SHANK2: variants seen among roughly 807,000 people sequenced by gnomAD.
SHANK2 encodes SH3 and multiple ankyrin repeat domains protein 2.
SHANK2 carries 43 observed loss-of-function variants against 133.7 expected under a neutral mutation model. The ratio of observed to expected loss-of-function variants is 0.32; its 90% CI spans 0.25 to 0.41. The LOEUF is 0.41. SHANK2 is among the 10% of genes least tolerant of loss of function. SHANK2 has a pLI of 1.00. For synonymous variants in SHANK2, 1,017 were observed against 952.8 expected (o/e 1.07, Z -1.24); for missense variants, 1,994 against 2,235.8 (o/e 0.89, Z 2.18).
In SHANK2 at chr11:70,840,780, C is replaced by T. The variant is rs782609448; in HGVS notation, c.1175-20098G>A. On this transcript the variant is annotated intron_variant, in intron 11 of 25. Transcript: ENST00000601538. ...GACTCAGGATCTCCCTCCTGGGTGC[C>T]GAGGACAGGGACAAGGAACTGCAGT... 9.9e-5 allele frequency among the ~76,000 whole-genome samples: 15 copies of T among 152,234 alleles called. No individual in the cohort carries two copies. In the East Asian group the frequency reaches 1.5e-3, roughly 16 times the overall value.
chr11:71,081,724 G>T (rs1951303708), intron 8 of SHANK2, among the ~76,000 whole-genome samples: 1 of 152,144 alleles, frequency 6.6e-6, no homozygotes, highest in African/African-American at 2.4e-5. Context: ...ACAGAACCTT[G>T]CCAGGCCAGA....
intron 11 of SHANK2, among the ~76,000 whole-genome samples, chr11:70,887,875 C>T (rs1053448253): frequency 1.3e-5 from 2 of 152,076 alleles, no homozygotes; most frequent in African/African-American, 2.4e-5. Context: ...TGAGTCTCAC[C>T]TCCACTTCTT....
rs149483180 is a variant in SHANK2 at position 70,832,104 on chromosome 11, T to A, written c.1175-11422A>T. The stretch of plus-strand genomic sequence containing the variant: ...GCTCTGTGAGCCCAGAGAAGTCCCA[T>A]GAGCTCTCTGTGCCTCTGTTTCCTA... On this transcript the variant is annotated intron_variant, in intron 11 of 25. Coordinates refer to ENST00000601538, the MANE Select transcript of SHANK2 (RefSeq NM_012309.5). Among the ~76,000 whole-genome samples the A allele has an allele frequency of 5.8e-3, 879 of 152,342 alleles. 8 individuals are homozygous for A. The highest frequency in any genetic ancestry group is 0.019 in the African/African-American group (779 of 41,580).
intron 10 of SHANK2, chr11:70,948,402 T>C (rs782630598): frequency 6.6e-6 from 3 of 456,686 alleles, no homozygotes; most frequent in African/African-American, 2.0e-5. Flanking sequence ...TATGTACTGG[T>C]GGAAATAATG....
chr11:70,495,844 C>T, intron 21 of SHANK2: 1 of 201,048 alleles, frequency 5.0e-6, no homozygotes, highest in South Asian at 5.7e-5. Flanking sequence ...CAGAATCCAG[C>T]CCACCTGATA....
chr11:71,243,655 A>C (rs992886058), intron 1 of SHANK2, among the ~76,000 whole-genome samples: 9 of 152,190 alleles, frequency 5.9e-5, no homozygotes, highest in Admixed American at 5.9e-4. Flanking sequence ...AGATCACGCC[A>C]CTGCACTCCA....
At chr11:71,204,118 C>G (rs1198241463) in intron 2 of SHANK2, among the ~76,000 whole-genome samples, 2 of 152,152 alleles carry the variant, frequency 1.3e-5, no homozygotes, top group African/African-American at 4.8e-5. Flanking sequence ...CCTTGGGGAG[C>G]CCTGAACACA....
chr11:70,902,995 G>A (rs564584296), intron 10 of SHANK2, among the ~76,000 whole-genome samples: 3 of 152,232 alleles, frequency 2.0e-5, no homozygotes, highest in Non-Finnish European at 4.4e-5. Context: ...TCTACCAGCT[G>A]GGGGAGAAGG....
chr11:70,588,967 G>A (rs1282680226), intron 17 of SHANK2, among the ~76,000 whole-genome samples: 4 of 152,132 alleles, frequency 2.6e-5, no homozygotes, highest in East Asian at 1.9e-4. Context: ...ACAGGCGCCC[G>A]CCACCACACC....
chr11:70,888,214 G>A (rs1197699914), intron 11 of SHANK2, among the ~76,000 whole-genome samples: 6 of 151,944 alleles, frequency 3.9e-5, no homozygotes, highest in Non-Finnish European at 7.4e-5. Flanking sequence ...GAGGATATGG[G>A]GTGGAGGAAG....
intron 2 of SHANK2, among the ~76,000 whole-genome samples, chr11:71,158,381 T>A (rs1565485831): frequency 6.6e-6 from 1 of 151,108 alleles, no homozygotes; most frequent in Non-Finnish European, 1.5e-5. Context: ...CAAAGTCAAC[T>A]AAAAAAAAAT....
chr11:70,603,448 C>G (rs1554991522), intron 17 of SHANK2: 1 of 152,306 alleles, frequency 6.6e-6, no homozygotes, highest in Non-Finnish European at 1.5e-5. Flanking sequence ...CACATCCTGA[C>G]CCTGACCCTG....
chr11:70,623,789 G>C (rs2060866499), intron 17 of SHANK2, among the ~76,000 whole-genome samples: 1 of 152,214 alleles, frequency 6.6e-6, no homozygotes, highest in East Asian at 1.9e-4. Flanking sequence ...TCGAGCACAT[G>C]GGACATTTCC....
At chr11:70,519,809 C>T (rs917820187) in intron 17 of SHANK2, among the ~76,000 whole-genome samples, 5 of 152,020 alleles carry the variant, frequency 3.3e-5, no homozygotes, top group Admixed American at 6.6e-5. Flanking sequence ...GATCTCAGCT[C>T]ACTGCAGCCT....
Position 70,820,632 on chromosome 11 carries a change from T to TG in SHANK2, c.1224dup (p.Asn409GlnfsTer15), listed in dbSNP as rs1555055724. On this transcript the variant is annotated frameshift_variant, in exon 12 of 26. Transcript: ENST00000601538. LOFTEE classifies it high-confidence loss of function. Reference sequence around the variant, plus strand: ...AGGACCCGGGGGGCGGCCAGCGTGTTGGGGGGCCGCCGCCGGCGGTTGGAG... The same window carrying TG: ...AGGACCCGGGGGGCGGCCAGCGTGTTGGGGGGGCCGCCGCCGGCGGTTGGAG... The TG allele has an allele frequency of 1.4e-6, 1 of 710,380 alleles. No homozygotes were observed. The highest frequency in any genetic ancestry group is 2.6e-6 in the Non-Finnish European group (1 of 381,070). 44.0% of individuals were successfully genotyped at this position (710,380 alleles called of 1,614,324 possible).
intron 14 of SHANK2, among the ~76,000 whole-genome samples, chr11:70,721,867 T>C (rs1338694790): frequency 3.3e-5 from 5 of 152,258 alleles, no homozygotes; most frequent in Non-Finnish European, 7.3e-5. Flanking sequence ...TCTTCAGGAA[T>C]GCCAATGACT....
At position 70,847,858 on chromosome 11, in the gene SHANK2, G is replaced by T. The variant is rs182173125; in HGVS notation, c.1175-27176C>A. On this transcript the variant is annotated intron_variant, in intron 11 of 25. Coordinates refer to ENST00000601538, the MANE Select transcript of SHANK2 (RefSeq NM_012309.5). ...GCCCAGCAAGGCCTGGACCAAAGAG[G>T]GGGGCAGGGCTTGGAGACGGTTCCC... is the stretch of plus-strand genomic sequence containing the variant. Among the ~76,000 whole-genome samples the T allele has an allele frequency of 1.2e-3, 180 of 152,350 alleles. 1 individual carries two copies. Among genetic ancestry groups the T allele is most frequent in the East Asian group, 6.0e-3 (31 of 5,174 alleles).
chr11:71,132,907 T>C lies in SHANK2; in HGVS notation c.208-13875A>G, dbSNP rs184651588. ...ACAGGTAGGCTAGTTTTCATTGTTG[T>C]ATTACAGAGACAGTGGAGGCAGAGG... On this transcript the variant is annotated intron_variant, in intron 3 of 25. Transcript: ENST00000601538. 5.3e-5 allele frequency among the ~76,000 whole-genome samples: 8 copies of C among 152,290 alleles called. No homozygotes were observed. In the East Asian group the frequency reaches 1.5e-3, roughly 29 times the overall value.
At chr11:70,482,457 C>A (rs141383819) in intron 25 of SHANK2, among the ~76,000 whole-genome samples, 54 of 152,368 alleles carry the variant, frequency 3.5e-4, no homozygotes, top group African/African-American at 1.3e-3. Flanking sequence ...CCAAGGCAGT[C>A]CCTGGCTCCC....
Sources: gnomAD v4.1 joint callset for allele counts (sites outside exome capture counted in the v4.1 genomes callset) on GRCh38, gnomAD v4.1.1 for gene constraint, MANE v1.5 for transcripts, NCBI Gene and HGNC (gene_info 2026-07-23, HGNC 2026-07-21) for gene names.